PLCB1: variants seen among roughly 807,000 people sequenced by gnomAD.
The protein encoded by PLCB1 is 1-phosphatidylinositol 4,5-bisphosphate phosphodiesterase beta-1.
Under a neutral mutation model 161.8 loss-of-function variants are expected in PLCB1, and 46 were observed. That is an observed-to-expected ratio of 0.28 (90% CI 0.22 to 0.36). PLCB1 has a LOEUF of 0.36. Among genes scored for constraint, PLCB1 ranks in the 10% least tolerant of loss-of-function variants. PLCB1 has a pLI of 1.00. For synonymous variants in PLCB1, 517 were observed against 503.7 expected (o/e 1.03, Z -0.35); for missense variants, 1,016 against 1,472.5 (o/e 0.69, Z 5.07).
chr20:8,761,336 C>A (rs2123574490), intron 25 of PLCB1, among the ~76,000 whole-genome samples: 1 of 152,260 alleles, frequency 6.6e-6, no homozygotes, highest in South Asian at 2.1e-4. Flanking sequence ...GGGATGCTGG[C>A]CAAATTCTAA....
At chr20:8,169,159 G>A (rs562479360) in intron 2 of PLCB1, among the ~76,000 whole-genome samples, 77 of 152,188 alleles carry the variant, frequency 5.1e-4, no homozygotes, top group African/African-American at 1.8e-3. Context: ...ATGTATATTG[G>A]GTGGGGAGCC....
intron 31 of PLCB1, among the ~76,000 whole-genome samples, chr20:8,879,249 T>C (rs1229719774): frequency 6.6e-6 from 1 of 150,930 alleles, no homozygotes; most frequent in Non-Finnish European, 1.5e-5. Context: ...CTATTGTGAA[T>C]AGTGCTATGA....
chr20:8,196,332 C>T (rs1471823372), intron 2 of PLCB1, among the ~76,000 whole-genome samples: 1 of 152,094 alleles, frequency 6.6e-6, no homozygotes, highest in Non-Finnish European at 1.5e-5. Flanking sequence ...CTAATTCAAA[C>T]TCTGTATCAT....
In PLCB1 at chr20:8,881,613, G is replaced by A. The variant is rs1045955231; in HGVS notation, c.3424-9G>A. 1.2e-6 allele frequency: 2 copies of A among 1,607,764 alleles called. No individual in the cohort carries two copies. The highest frequency in any genetic ancestry group is 1.7e-6 in the Non-Finnish European group (2 of 1,174,390). ...ACTTCAAGTCATCTCCCCTCTTGAT[G>A]TCTCTCAGCTGCAGGTGGAGCTGGA... is the stretch of plus-strand genomic sequence containing the variant. On this transcript the variant is annotated splice_polypyrimidine_tract_variant and intron_variant, in intron 31 of 31. Coordinates refer to ENST00000338037, the MANE Select transcript of PLCB1 (RefSeq NM_015192.4).
intron 1 of PLCB1, chr20:8,141,825 T>C (rs1363177757): frequency 6.6e-6 from 1 of 152,258 alleles, no homozygotes; most frequent in African/African-American, 2.4e-5. Context: ...CCTTTTCTTC[T>C]TCTCGACATA....
chr20:8,715,622 T>C (rs901761410), intron 12 of PLCB1, among the ~76,000 whole-genome samples: 15 of 152,278 alleles, frequency 9.9e-5, no homozygotes, highest in African/African-American at 3.1e-4. Flanking sequence ...GCTATTCTGT[T>C]ATGTATATAT....
chr20:8,854,918 G>C (rs1987018292), intron 31 of PLCB1, among the ~76,000 whole-genome samples: 1 of 152,206 alleles, frequency 6.6e-6, no homozygotes, highest in African/African-American at 2.4e-5. Flanking sequence ...CATGTCTACA[G>C]TACAGCAATT....
At chr20:8,763,945 A>G (rs1484974666) in intron 25 of PLCB1, among the ~76,000 whole-genome samples, 1 of 151,866 alleles carries the variant, frequency 6.6e-6, no homozygotes, top group African/African-American at 2.4e-5. Context: ...AGGGCAGATC[A>G]CTTGAGGCTG....
chr20:8,435,211 C>G (rs1233924478), intron 3 of PLCB1, among the ~76,000 whole-genome samples: 1 of 152,082 alleles, frequency 6.6e-6, no homozygotes. Context: ...GACAATTTAT[C>G]CTTACTGTAC....
chr20:8,185,569 T>C (rs1261336072), intron 2 of PLCB1, among the ~76,000 whole-genome samples: 2 of 145,346 alleles, frequency 1.4e-5, no homozygotes, highest in Non-Finnish European at 3.0e-5. Context: ...TATATATACA[T>C]ATATTTATTT....
rs2051497583 is a variant in PLCB1, at chr20:8,150,366, A to C, written c.172A>C (p.Asn58His). The change falls in exon 2 of 32, where the codon AAC becomes CAC. Residue 58 changes from asparagine to histidine, a missense_variant. Physicochemically the swap from Asn to His is moderately conservative, Grantham distance 68 (BLOSUM62 1). This residue lies in a region of PLCB1 where 181 missense variants were observed against 236.7 expected (regional missense o/e 0.76). Coordinates refer to ENST00000338037, the MANE Select transcript of PLCB1 (RefSeq NM_015192.4). ...QGFFFYWTDQ[N>H]KETELLDLSL... is the part of the protein sequence containing the mutation. The stretch of plus-strand genomic sequence containing the variant: ...ATTTTTCTTTTACTGGACAGATCAA[A>C]ACAAGGTAAGAAATGAGGTATGCCT... 2.7e-6 allele frequency: 4 copies of C among 1,507,750 alleles called. No homozygotes were observed. Among genetic ancestry groups the C allele is most frequent in the Non-Finnish European group, 3.6e-6 (4 of 1,097,238 alleles). The allele number at this position is 1,507,750 out of a possible 1,614,324, so 93.4% of individuals were successfully genotyped here.
At chr20:8,778,277 T>C (rs1983042092) in intron 27 of PLCB1, among the ~76,000 whole-genome samples, 1 of 152,174 alleles carries the variant, frequency 6.6e-6, no homozygotes, top group African/African-American at 2.4e-5. Context: ...GAAGACCTCT[T>C]GGGGAGATTT....
At chr20:8,228,086 G>T (rs1033632732) in intron 2 of PLCB1, among the ~76,000 whole-genome samples, 8 of 152,056 alleles carry the variant, frequency 5.3e-5, no homozygotes, top group Admixed American at 1.3e-4. Flanking sequence ...TTGAACCTGG[G>T]TGGGGGAGGT....
At chr20:8,265,379 T>TGG (rs1981906819) in intron 2 of PLCB1, among the ~76,000 whole-genome samples, 2 of 152,204 alleles carry the variant, frequency 1.3e-5, no homozygotes, top group Non-Finnish European at 2.9e-5. Flanking sequence ...AATGGCGAAG[T>TGG]ACCATTTAAG....
In PLCB1 at chr20:8,480,097, A is replaced by G. The variant is rs192867305; in HGVS notation, c.246+108647A>G. Among the ~76,000 whole-genome samples, 3 of 152,336 alleles carry G rather than the reference A, an allele frequency of 2.0e-5. No homozygotes were observed. The East Asian group carries it at 5.8e-4, about 29-fold the overall frequency. ...TCTCCATCTCTAGGGTCGCCAGGTA[A>G]TAGTTCAGATTACTTCAGAGATTTA... On this transcript the variant is annotated intron_variant, in intron 3 of 31. Coordinates refer to ENST00000338037, the MANE Select transcript of PLCB1 (RefSeq NM_015192.4).
rs1355054893 is a variant in PLCB1, at chr20:8,379,223, T to TAAGGCC, written c.246+7774_246+7775insAGGCCA. 6.1e-4 allele frequency among the ~76,000 whole-genome samples: 93 copies of TAAGGCC among 152,290 alleles called. 1 individual carries two copies. Among genetic ancestry groups the TAAGGCC allele is most frequent in the African/African-American group, 2.1e-3 (86 of 41,560 alleles). ...AGTGTTTGATTTTCTGTTCCTGTGTTAGTTTGCTGAGGATAATGGCTTCCA... is the reference window on the plus strand; with the variant it reads ...AGTGTTTGATTTTCTGTTCCTGTGTTAAGGCCAGTTTGCTGAGGATAATGGCTTCCA... On this transcript the variant is annotated intron_variant, in intron 3 of 31. Coordinates refer to ENST00000338037, the MANE Select transcript of PLCB1 (RefSeq NM_015192.4).
chr20:8,486,320 C>A (rs1324163414), intron 3 of PLCB1, among the ~76,000 whole-genome samples: 1 of 152,112 alleles, frequency 6.6e-6, no homozygotes, highest in East Asian at 1.9e-4. Context: ...ATCTTTCATT[C>A]TAACCCGTTC....
chr20:8,194,116 G>A (rs1042210501), intron 2 of PLCB1, among the ~76,000 whole-genome samples: 1 of 152,030 alleles, frequency 6.6e-6, no homozygotes, highest in Non-Finnish European at 1.5e-5. Flanking sequence ...TCTACCCTGT[G>A]TACATCACAC....
chr20:8,872,837 G>C (rs1032179888), intron 31 of PLCB1, among the ~76,000 whole-genome samples: 3 of 152,078 alleles, frequency 2.0e-5, no homozygotes, highest in Non-Finnish European at 4.4e-5. Flanking sequence ...GGGACTTCAG[G>C]TTCAGCACTC....
Sources: gnomAD v4.1 joint callset for allele counts (sites outside exome capture counted in the v4.1 genomes callset) on GRCh38, gnomAD v4.1.1 for gene constraint, gnomAD v4.1.1 regional missense constraint, MANE v1.5 for transcripts, NCBI Gene and HGNC (gene_info 2026-07-23, HGNC 2026-07-21) for gene names.